The following OSBPL1A variants were observed in gnomAD, a reference collection of about 807,000 sequenced individuals.
The protein encoded by OSBPL1A is oxysterol binding protein like 1A.
In OSBPL1A, 80 loss-of-function variants were observed where a neutral mutation model predicts 137.1. The ratio of observed to expected loss-of-function variants is 0.58; its 90% CI spans 0.49 to 0.70. OSBPL1A has a LOEUF of 0.70. Among genes scored for constraint, OSBPL1A ranks in the 30% least tolerant of loss-of-function variants. The probability of loss-of-function intolerance (pLI) is 0.00; values close to 1 mark genes in which losing one functional copy is unlikely to be tolerated. For synonymous variants in OSBPL1A, 365 were observed against 389.7 expected, an observed-to-expected ratio of 0.94 and a Z score of 0.75; for missense variants, 970 against 1,129.4, an observed-to-expected ratio of 0.86 and a Z score of 2.02.
intron 7 of OSBPL1A, among the ~76,000 whole-genome samples, chr18:24,321,923 AT>A (rs1387007694): frequency 1.3e-5 from 2 of 151,790 alleles, no homozygotes; most frequent in Admixed American, 6.6e-5. Flanking sequence ...AATTTCCATG[AT>A]TTTTTTTAAA....
At chr18:24,191,913 A>G (rs1427022969) in intron 18 of OSBPL1A, among the ~76,000 whole-genome samples, 1 of 152,240 alleles carries the variant, frequency 6.6e-6, no homozygotes, top group Non-Finnish European at 1.5e-5. Context: ...AAGCTTTTCA[A>G]TGACTGAAGA....
At chr18:24,337,122 C>A (rs1328159711) in intron 5 of OSBPL1A, among the ~76,000 whole-genome samples, 2 of 152,088 alleles carry the variant, frequency 1.3e-5, no homozygotes, top group Non-Finnish European at 2.9e-5. Flanking sequence ...AAATACATAT[C>A]CTGAATCTAA....
In OSBPL1A at chr18:24,234,035, G is replaced by A. The variant is rs546663411; in HGVS notation, c.1444+5185C>T. On this transcript the variant is annotated intron_variant, in intron 16 of 27. Transcript: ENST00000319481. ...ACAAAAAAAGAAACTAATTCTGCCC[G>A]GAGGAGTCAGGAAAGGCTACCCAGG... 4.6e-5 allele frequency among the ~76,000 whole-genome samples: 7 copies of A among 152,268 alleles called. No individual in the cohort carries two copies. The East Asian group carries it at 9.6e-4, about 21-fold the overall frequency.
intron 3 of OSBPL1A, chr18:24,367,702 T>C (rs548325699): frequency 1.3e-5 from 2 of 151,926 alleles, no homozygotes; most frequent in Admixed American, 6.6e-5. Context: ...AGCAGTCATA[T>C]TGAAAAAAGG....
chr18:24,266,061 GA>G (rs1342138736), intron 15 of OSBPL1A, among the ~76,000 whole-genome samples: 42 of 152,218 alleles, frequency 2.8e-4, no homozygotes, highest in African/African-American at 9.9e-4. Flanking sequence ...GATGTAGAAA[GA>G]AAGGGTCTGC....
intron 16 of OSBPL1A, among the ~76,000 whole-genome samples, chr18:24,237,559 C>A (rs947202633): frequency 3.3e-5 from 5 of 152,186 alleles, no homozygotes; most frequent in African/African-American, 1.2e-4. Flanking sequence ...CCTGCCTTGG[C>A]CTCCCAAAGT....
intron 4 of OSBPL1A, among the ~76,000 whole-genome samples, chr18:24,365,100 C>G (rs1276518488): frequency 6.8e-6 from 1 of 147,840 alleles, no homozygotes; most frequent in Non-Finnish European, 1.5e-5. Flanking sequence ...GGTATCTAGG[C>G]AATACAATGC....
intron 4 of OSBPL1A, chr18:24,364,697 C>T (rs1343359794): frequency 6.6e-6 from 1 of 151,816 alleles, no homozygotes; most frequent in Non-Finnish European, 1.5e-5. Context: ...CTGGTTAATA[C>T]ATTTAAGAAA....
At chr18:24,257,284 T>C (rs1599573839) in intron 15 of OSBPL1A, among the ~76,000 whole-genome samples, 1 of 152,002 alleles carries the variant, frequency 6.6e-6, no homozygotes, top group Admixed American at 6.6e-5. Flanking sequence ...AACAGACACA[T>C]AGACCAATGG....
chr18:24,247,282 G>A (rs2146021546), intron 15 of OSBPL1A, among the ~76,000 whole-genome samples: 1 of 152,310 alleles, frequency 6.6e-6, no homozygotes, highest in East Asian at 1.9e-4. Context: ...AAACACTGAT[G>A]AGAGATCAAC....
chr18:24,276,664 C>T (rs1000809586), intron 15 of OSBPL1A, among the ~76,000 whole-genome samples: 1 of 151,944 alleles, frequency 6.6e-6, no homozygotes, highest in Non-Finnish European at 1.5e-5. Flanking sequence ...AGGCTGGTCT[C>T]GAACTCCTGA....
At chr18:24,347,778 GCTGC>G (rs1206358779) in intron 4 of OSBPL1A, 1 of 146,172 alleles carries the variant, frequency 6.8e-6, no homozygotes, top group Non-Finnish European at 1.5e-5. Flanking sequence ...GGTGGTGGAG[GCTGC>G]AGTGAGCCGA....
chr18:24,338,380 G>A (rs1457539071), intron 5 of OSBPL1A, among the ~76,000 whole-genome samples: 4 of 151,590 alleles, frequency 2.6e-5, no homozygotes, highest in Non-Finnish European at 4.4e-5. Context: ...GTGCCCGGCC[G>A]AAATTTTTCA....
intron 17 of OSBPL1A, among the ~76,000 whole-genome samples, chr18:24,218,702 T>G (rs546066002): frequency 1.3e-5 from 2 of 152,224 alleles, no homozygotes; most frequent in African/African-American, 4.8e-5. Context: ...CACCTCGGTC[T>G]CCCAAAGTGC....
intron 15 of OSBPL1A, among the ~76,000 whole-genome samples, chr18:24,241,499 T>C (rs140642141): frequency 6.8e-4 from 103 of 152,170 alleles, no homozygotes; most frequent in African/African-American, 2.1e-3. Context: ...AAAGAAGGCG[T>C]TTATGCAGCC....
At chr18:24,300,801 A>G (rs1599636427) in intron 14 of OSBPL1A, among the ~76,000 whole-genome samples, 1 of 152,284 alleles carries the variant, frequency 6.6e-6, no homozygotes, top group Non-Finnish European at 1.5e-5. Flanking sequence ...GGAGCAGAAT[A>G]CCTATCTATC....
chr18:24,349,477 A>G (rs923105153), intron 4 of OSBPL1A, among the ~76,000 whole-genome samples: 2 of 152,208 alleles, frequency 1.3e-5, no homozygotes, highest in East Asian at 1.9e-4. Flanking sequence ...AACAGCAGAA[A>G]TAAAATATGC....
chr18:24,239,472 C>T, intron 15 of OSBPL1A, 90 bp from the exon 16 acceptor site: 1 of 1,162,154 alleles, frequency 8.6e-7, no homozygotes, highest in Non-Finnish European at 1.2e-6. Context: ...GCTTTTGATC[C>T]AGTTCAACTG....
At chr18:24,308,621 T>A (rs775834190) in intron 13 of OSBPL1A, among the ~76,000 whole-genome samples, 1 of 152,114 alleles carries the variant, frequency 6.6e-6, no homozygotes, top group Non-Finnish European at 1.5e-5. Flanking sequence ...CCAGAGCCTC[T>A]AAGAGCCTAT....
Sources: gnomAD v4.1 joint callset for allele counts (sites outside exome capture counted in the v4.1 genomes callset) on GRCh38, gnomAD v4.1.1 for gene constraint, MANE v1.5 for transcripts, NCBI Gene and HGNC (gene_info 2026-07-23, HGNC 2026-07-21) for gene names.